ITGAD: variants seen among roughly 807,000 people sequenced by gnomAD.
The protein encoded by ITGAD is integrin subunit alpha D.
ITGAD carries 105 observed loss-of-function variants against 139.0 expected under a neutral mutation model. The ratio of observed to expected loss-of-function variants is 0.76; its 90% confidence interval spans 0.65 to 0.89. The LOEUF is 0.89. ITGAD is among the 40% of genes least tolerant of loss of function. ITGAD has a pLI of 0.00. For synonymous variants in ITGAD, 569 were observed against 598.3 expected (o/e 0.95, Z 0.71); for missense variants, 1,384 against 1,487.3 (o/e 0.93, Z 1.14).
At chr16:31,400,197 A>T (rs1276832686) in intron 5 of ITGAD, among the ~76,000 whole-genome samples, 1 of 152,172 alleles carries the variant, frequency 6.6e-6, no homozygotes, top group African/African-American at 2.4e-5. Context: ...TCCTGGGGGG[A>T]TCTGCAGCCT....
At position 31,403,792 on chromosome 16, in the gene ITGAD, C is replaced by G. The variant is rs368633064; in HGVS notation, c.704+147C>G. 7.1e-6 allele frequency: 7 copies of G among 986,920 alleles called. No individual in the cohort carries two copies. Among genetic ancestry groups the G allele is most frequent in the Non-Finnish European group, 1.0e-5 (7 of 676,876 alleles). 61.1% of individuals were successfully genotyped at this position (986,920 alleles called of 1,614,324 possible). On this transcript the variant is annotated intron_variant, in intron 7 of 29. Coordinates refer to ENST00000389202, the MANE Select transcript of ITGAD (RefSeq NM_005353.3). This position sits in a 1 kb window ranked among gnomAD's most constrained non-coding sequence, Gnocchi z 4.4. Reference sequence around the variant, plus strand: ...GTCGGGGCTGCAGGGAGAACCTCCCCCCGGGGTGCTCCTGGTTGCCTCGCT... The same window carrying G: ...GTCGGGGCTGCAGGGAGAACCTCCCGCCGGGGTGCTCCTGGTTGCCTCGCT...
Position 31,414,899 on chromosome 16 carries a change from C to T in ITGAD, c.2191C>T (p.Leu731Phe). 2 of 1,614,072 alleles carry T rather than the reference C, an allele frequency of 1.2e-6. No individual in the cohort carries two copies. Among genetic ancestry groups the T allele is most frequent in the South Asian group, 1.1e-5 (1 of 91,080 alleles). ...TGTGGTGAGCCCCATCATTCTGCAC[C>T]TCAACTTCTCACTGGTGAGAGAGCC... ...EDVVSPIILH[L>F]NFSLVREPIP... The change falls in exon 18 of 30, where the codon CTC (leucine) becomes TTC (phenylalanine). Residue 731 changes from leucine (L) to phenylalanine (F), a missense_variant. Transcript: ENST00000389202.
chr16:31,408,419 C>T lies in ITGAD; in HGVS notation c.1010-6C>T, dbSNP rs1216539358. 3 of 1,613,542 alleles carry T rather than the reference C, an allele frequency of 1.9e-6. No individual in the cohort carries two copies. Among genetic ancestry groups the T allele is most frequent in the African/African-American group, 2.7e-5 (2 of 74,920 alleles). On this transcript the variant is annotated splice_region_variant and splice_polypyrimidine_tract_variant and intron_variant, in intron 9 of 29. Transcript: ENST00000389202. Reference sequence around the variant, plus strand: ...CTAGGAACTTCACTGACCTGTTTCCCCACAGGAACCCAGTCCAGGGCAAGC... The same window carrying T: ...CTAGGAACTTCACTGACCTGTTTCCTCACAGGAACCCAGTCCAGGGCAAGC...
In ITGAD at chr16:31,426,394, T is replaced by C; in HGVS notation, c.*266T>C. The stretch of plus-strand genomic sequence containing the variant: ...AGAATTGTCACATGAAATGAGGATG[T>C]TTATAGCACACTTTCCTTGCGTGGA... On this transcript the variant is annotated 3_prime_UTR_variant, in exon 30 of 30. Transcript: ENST00000389202. 1 of 373,182 alleles carries C rather than the reference T, an allele frequency of 2.7e-6. No homozygotes were observed. The highest frequency in any genetic ancestry group is 3.1e-5 in the South Asian group (1 of 32,198). 23.1% of individuals were successfully genotyped at this position (373,182 alleles called of 1,614,324 possible).
chr16:31,419,828 A>G (rs938555560), intron 23 of ITGAD, among the ~76,000 whole-genome samples: 6 of 151,690 alleles, frequency 4.0e-5, no homozygotes, highest in Non-Finnish European at 7.4e-5. Context: ...AAAAAAAAAA[A>G]AAAGAAAAAA....
Position 31,424,579 on chromosome 16 carries a change from C to A in ITGAD, c.3372+2C>A. On this transcript the variant is annotated splice_donor_variant, in intron 29 of 29. Transcript: ENST00000389202. LOFTEE classifies it high-confidence loss of function. Reference sequence around the variant, plus strand: ...CTCATCACAGCCACACTGTACAAGGCAAGTGTTTTATCCAACTCTTTTTTT... The same window carrying A: ...CTCATCACAGCCACACTGTACAAGGAAAGTGTTTTATCCAACTCTTTTTTT... The A allele has an allele frequency of 1.3e-6, 2 of 1,543,532 alleles. No individual in the cohort carries two copies. The highest frequency in any genetic ancestry group is 1.8e-6 in the Non-Finnish European group (2 of 1,135,096).
chr16:31,399,149 G>A (rs1461620318), intron 5 of ITGAD, among the ~76,000 whole-genome samples: 3 of 152,184 alleles, frequency 2.0e-5, no homozygotes, highest in Admixed American at 1.3e-4. Flanking sequence ...TGGTTCCCAA[G>A]TTTGTTTTCC....
intron 23 of ITGAD, 66 bp from the exon 24 acceptor site, chr16:31,423,048 C>A: frequency 8.1e-7 from 1 of 1,231,294 alleles, no homozygotes; most frequent in Non-Finnish European, 1.2e-6. Context: ...GAGCTCTCTG[C>A]AGTAGGACAG....
chr16:31,423,145 G>A lies in ITGAD; in HGVS notation c.2812G>A (p.Ala938Thr), dbSNP rs1454308360. The A allele has an allele frequency of 2.5e-6, 4 of 1,614,066 alleles. No individual in the cohort carries two copies. Among genetic ancestry groups the A allele is most frequent in the Non-Finnish European group, 3.4e-6 (4 of 1,180,020 alleles). Residue 938 changes from alanine to threonine, a missense_variant, in exon 24 of 30, where the codon GCA becomes ACA. Transcript: ENST00000389202. ...QEESTKYFNF[A>T]TSDEKKMKEA... ...AGAATCCACCAAGTACTTCAACTTT[G>A]CAACCTCCGATGAGAAGAAAATGAA...
intron 1 of ITGAD, among the ~76,000 whole-genome samples, chr16:31,393,781 G>A (rs1393906007): frequency 6.6e-6 from 1 of 152,090 alleles, no homozygotes; most frequent in African/African-American, 2.4e-5. Context: ...CTGACTGCAC[G>A]TAGGGAAGAG....
intron 7 of ITGAD, 148 bp from the exon 8 acceptor site, chr16:31,407,367 C>G: frequency 1.3e-6 from 1 of 781,290 alleles, no homozygotes; most frequent in South Asian, 2.2e-5. Context: ...AAAGAAAACC[C>G]AAAACGGCAA....
In ITGAD at chr16:31,424,597, C is replaced by CTTTTT; in HGVS notation, c.3372+32_3372+36dup. 4.2e-6 allele frequency: 5 copies of CTTTTT among 1,200,990 alleles called. No individual in the cohort carries two copies. Among genetic ancestry groups the CTTTTT allele is most frequent in the Non-Finnish European group, 4.6e-6 (4 of 871,590 alleles). 74.4% of individuals were successfully genotyped at this position (1,200,990 alleles called of 1,614,324 possible). ...TACAAGGCAAGTGTTTTATCCAACT[C>CTTTTT]TTTTTTTTTTTTTTTTGAGATGGAG... On this transcript the variant is annotated intron_variant, in intron 29 of 29. Transcript: ENST00000389202.
At position 31,411,212 on chromosome 16, in the gene ITGAD, G is replaced by A. The variant is rs1388070258; in HGVS notation, c.1493G>A (p.Arg498Lys). 1 of 1,613,138 alleles carries A rather than the reference G, an allele frequency of 6.2e-7. No individual in the cohort carries two copies. Among genetic ancestry groups the A allele is most frequent in the Admixed American group, 1.7e-5 (1 of 59,912 alleles). Residue 498 changes from arginine to lysine, a missense_variant, in exon 13 of 30, where the codon AGG (arginine) becomes AAG (lysine). By Grantham distance (26) the Arg-to-Lys change is conservative (BLOSUM62 2). Coordinates refer to ENST00000389202, the MANE Select transcript of ITGAD (RefSeq NM_005353.3). ...CAGGTGTCCGTGTGTCCCTTGCCTA[G>A]GGGGGTGAGTGGCTGATGGGACCTA... ...GGQVSVCPLP[R>K]GRVQWQCDAV... is the part of the protein sequence containing the mutation.
intron 14 of ITGAD, among the ~76,000 whole-genome samples, chr16:31,411,754 G>A (rs997068734): frequency 9.8e-5 from 15 of 152,352 alleles, no homozygotes; most frequent in Admixed American, 2.6e-4. Context: ...TGGCCGGGCC[G>A]GCCATCCTGA....
chr16:31,397,980 T>A, intron 5 of ITGAD, 71 bp downstream of exon 5: 1 of 1,199,926 alleles, frequency 8.3e-7, no homozygotes, highest in East Asian at 2.5e-5. Context: ...GCGTGAGGCC[T>A]GTGTCTGGGC....
At chr16:31,416,443 C>G in intron 19 of ITGAD, 62 bp from the exon 20 acceptor site, 2 of 1,575,310 alleles carry the variant, frequency 1.3e-6, no homozygotes, top group Non-Finnish European at 1.7e-6. Context: ...TCTGCCCTGC[C>G]CTTCCCAGTT....
At chr16:31,408,628 C>T in intron 10 of ITGAD, 130 bp downstream of exon 10, 7 of 743,666 alleles carry the variant, frequency 9.4e-6, no homozygotes, top group East Asian at 2.8e-5. Flanking sequence ...GGCCCCCACG[C>T]GTGTGTTAGG....
intron 3 of ITGAD, 54 bp downstream of exon 3, chr16:31,397,516 C>T (rs2081295947): frequency 3.2e-6 from 5 of 1,581,996 alleles, no homozygotes; most frequent in Non-Finnish European, 4.3e-6. Flanking sequence ...CCAACTGTGC[C>T]CCCGCTTAGC....
At chr16:31,394,209 C>G (rs752738810) in intron 1 of ITGAD, 27 bp from the exon 2 acceptor site, 5 of 1,496,944 alleles carry the variant, frequency 3.3e-6, no homozygotes, top group Non-Finnish European at 4.7e-6. Flanking sequence ...TAACTCCCAG[C>G]CTCCCCGCCC....
Sources: gnomAD v4.1 joint callset for allele counts (sites outside exome capture counted in the v4.1 genomes callset) on GRCh38, gnomAD v4.1.1 for gene constraint, Gnocchi (gnomAD v3.1) non-coding constraint, MANE v1.5 for transcripts, NCBI Gene and HGNC (gene_info 2026-07-23, HGNC 2026-07-21) for gene names.